Variants in OSBPL10 observed in about 807,000 individuals in gnomAD.
The protein encoded by OSBPL10 is oxysterol binding protein like 10.
Under a neutral mutation model 81.7 loss-of-function variants are expected in OSBPL10, and 49 were observed. The observed-to-expected ratio is 0.60, with a 90% CI of 0.48 to 0.76. The LOEUF is 0.76. OSBPL10 is among the 30% of genes least tolerant of loss of function. OSBPL10 has a pLI of 0.00. For synonymous variants in OSBPL10, 419 were observed against 383.6 expected (o/e 1.09, Z -1.08); for missense variants, 923 against 987.8 (o/e 0.93, Z 0.88).
At chr3:31,827,431 T>A (rs948381302) in intron 4 of OSBPL10, among the ~76,000 whole-genome samples, 1 of 152,054 alleles carries the variant, frequency 6.6e-6, no homozygotes, top group African/African-American at 2.4e-5. Context: ...GGTCAGGAGA[T>A]CAAGACCAGC....
At chr3:31,686,614 G>C (rs1700798596) in intron 7 of OSBPL10, among the ~76,000 whole-genome samples, 1 of 152,044 alleles carries the variant, frequency 6.6e-6, no homozygotes, top group Non-Finnish European at 1.5e-5. Context: ...ACACAAGGAA[G>C]AAACATTATT....
At chr3:32,038,308 C>T (rs1354406491) in intron 2 of OSBPL10, among the ~76,000 whole-genome samples, 2 of 152,164 alleles carry the variant, frequency 1.3e-5, no homozygotes, top group Non-Finnish European at 2.9e-5. Flanking sequence ...AATGAAATAT[C>T]CAGAAAAACC....
chr3:32,046,603 G>T (rs1266196826), exon 2 of OSBPL10: 1 of 152,218 alleles, frequency 6.6e-6, no homozygotes, highest in Non-Finnish European at 1.5e-5. Context: ...ATGGGGGATA[G>T]CTGTGGAAGG....
chr3:32,023,758 C>T (rs1032377552), intron 2 of OSBPL10, among the ~76,000 whole-genome samples: 6 of 152,160 alleles, frequency 3.9e-5, no homozygotes, highest in Non-Finnish European at 8.8e-5. Context: ...TATTCCAAGA[C>T]CCCTCAGTGG....
Position 32,066,003 on chromosome 3 carries a change from GAA to G in OSBPL10, n.185+11391_185+11392del, listed in dbSNP as rs1415027244. ...AGAAAGAAAGAAAGAAAGAAAGAAA[GAA>G]AGAGAAAGAAAGAAAGAAAGAGAGA... On this transcript the variant is annotated intron_variant and non_coding_transcript_variant, in intron 1 of 3. Coordinates refer to the OSBPL10 transcript ENST00000479173. Among the ~76,000 whole-genome samples, 55 of 61,576 alleles carry G rather than the reference GAA, an allele frequency of 8.9e-4. 10 individuals are homozygous for G. The highest frequency in any genetic ancestry group is 4.3e-3 in the East Asian group (3 of 692). 40.4% of individuals were successfully genotyped at this position (61,576 alleles called of 152,430 possible). A position where few individuals can be genotyped will look rare whatever the true frequency, so the allele number is the denominator to read the frequency against.
rs1016246512 is a variant in OSBPL10, at chr3:31,792,537, G to A, written c.729+37503C>T. On this transcript the variant is annotated intron_variant, in intron 4 of 11. Transcript: ENST00000396556. ...CGTTTCTGTTTTGTTGCAGCGGGGC[G>A]GAGGGGGGTGGTGGTTAAAATTCTC... Among the ~76,000 whole-genome samples the A allele has an allele frequency of 7.9e-5, 12 of 152,238 alleles. No individual in the cohort carries two copies. In the East Asian group the frequency reaches 1.9e-3, roughly 24 times the overall value.
chr3:31,923,101 C>T (rs1410166113), intron 1 of OSBPL10, among the ~76,000 whole-genome samples: 2 of 152,140 alleles, frequency 1.3e-5, no homozygotes, highest in Non-Finnish European at 2.9e-5. Context: ...GACCAAACAG[C>T]ATTCTTCATT....
At chr3:31,702,569 T>C (rs1417944864) in intron 6 of OSBPL10, 61 bp from the exon 7 acceptor site, 3 of 1,600,196 alleles carry the variant, frequency 1.9e-6, no homozygotes, top group African/African-American at 1.3e-5. Context: ...AAATAAAGTG[T>C]ATGAATTCAC....
intron 4 of OSBPL10, among the ~76,000 whole-genome samples, chr3:31,766,511 T>G (rs1305865960): frequency 2.0e-5 from 3 of 151,674 alleles, no homozygotes; most frequent in Non-Finnish European, 4.4e-5. Flanking sequence ...CCCAGATAAT[T>G]TTTATTTTGG....
rs758584031 is a variant in OSBPL10, at chr3:31,668,706, T to C, written c.2032A>G (p.Thr678Ala). Residue 678 changes from threonine (T) to alanine (A), a missense_variant, in exon 10 of 12, where the codon ACC becomes GCC. This residue lies in a region of OSBPL10 where 387 missense variants were observed against 436.3 expected (regional missense o/e 0.89). Coordinates refer to ENST00000396556, the MANE Select transcript of OSBPL10 (RefSeq NM_017784.5). ...NNGETKVIDT[T>A]TLPVYPKKIR... ...TTCTTGGGATACACTGGCAGTGTGG[T>C]TGTGTCGATGACTTTGGTTTCTCCA... 17 of 1,614,042 alleles carry C rather than the reference T, an allele frequency of 1.1e-5. No homozygotes were observed. The highest frequency in any genetic ancestry group is 6.7e-5 in the Admixed American group (4 of 60,004).
At chr3:31,764,837 T>A (rs965134778) in intron 4 of OSBPL10, among the ~76,000 whole-genome samples, 1 of 152,182 alleles carries the variant, frequency 6.6e-6, no homozygotes, top group Non-Finnish European at 1.5e-5. Flanking sequence ...ATTATCTGAA[T>A]GAGTTCCAGG....
intron 1 of OSBPL10, among the ~76,000 whole-genome samples, chr3:31,884,864 G>A (rs1458151340): frequency 1.3e-5 from 2 of 152,100 alleles, no homozygotes; most frequent in African/African-American, 4.8e-5. Flanking sequence ...ATTGTACCCA[G>A]AGAGAACATA....
Position 31,981,193 on chromosome 3 carries a change from C to A in OSBPL10, c.-14G>T. ...TGCCCTCTCCATGGTCCGTGGGCGC[C>A]CGGGACGCGGGTGCCCGCCGCGGTG... On this transcript the variant is annotated 5_prime_UTR_variant, in exon 1 of 12. Transcript: ENST00000396556. This position sits in a 1 kb window ranked among gnomAD's most constrained non-coding sequence, Gnocchi z 4.5. 7.1e-7 allele frequency: 1 copy of A among 1,408,962 alleles called. No individual in the cohort carries two copies. The highest frequency in any genetic ancestry group is 3.1e-5 in the East Asian group (1 of 32,182). 87.3% of individuals were successfully genotyped at this position (1,408,962 alleles called of 1,614,324 possible). A position where few individuals can be genotyped will look rare whatever the true frequency, so the allele number is the denominator to read the frequency against.
chr3:31,973,474 TG>T (rs1559538525), intron 1 of OSBPL10, among the ~76,000 whole-genome samples: 3 of 152,218 alleles, frequency 2.0e-5, no homozygotes, highest in Non-Finnish European at 4.4e-5. Flanking sequence ...CTGGTGCCTG[TG>T]GTGGCCTCAC....
At chr3:32,058,546 C>T (rs1249030291) in intron 1 of OSBPL10, among the ~76,000 whole-genome samples, 1 of 152,146 alleles carries the variant, frequency 6.6e-6, no homozygotes, top group South Asian at 2.1e-4. Context: ...AGGCTTGTCT[C>T]GAACTCCTGA....
chr3:31,953,415 CTGTTGT>C (rs368951770), intron 1 of OSBPL10, among the ~76,000 whole-genome samples: 2 of 151,586 alleles, frequency 1.3e-5, no homozygotes, highest in African/African-American at 4.9e-5. Flanking sequence ...AGAAGTGATT[CTGTTGT>C]TGTTGTTGTT....
chr3:31,892,271 A>G (rs1695914583), intron 1 of OSBPL10, among the ~76,000 whole-genome samples: 1 of 152,106 alleles, frequency 6.6e-6, no homozygotes, highest in South Asian at 2.1e-4. Flanking sequence ...AGAAGGAAAG[A>G]ATGTGTGTTA....
intron 2 of OSBPL10, 65 bp downstream of exon 2, chr3:31,879,590 A>G: frequency 6.6e-7 from 1 of 1,504,990 alleles, no homozygotes; most frequent in Non-Finnish European, 8.9e-7. Flanking sequence ...AAAATCAAAA[A>G]ACAAGAGAGC....
At chr3:32,073,753 T>G (rs1234636581) in intron 1 of OSBPL10, among the ~76,000 whole-genome samples, 1 of 152,170 alleles carries the variant, frequency 6.6e-6, no homozygotes, top group Non-Finnish European at 1.5e-5. Context: ...ATAAATGACC[T>G]GCTCTTGTTT....
Sources: allele counts gnomAD v4.1 joint callset (sites outside exome capture counted in the v4.1 genomes callset), GRCh38; gene constraint gnomAD v4.1.1; regional missense constraint gnomAD v4.1.1; non-coding constraint Gnocchi (gnomAD v3.1); transcripts MANE v1.5; gene names NCBI Gene and HGNC (gene_info 2026-07-23, HGNC 2026-07-21).